PLXNA4: variants seen among roughly 807,000 people sequenced by gnomAD.
The protein encoded by PLXNA4 is plexin A4.
A neutral mutation model predicts 191.8 loss-of-function variants in PLXNA4; 44 were observed. The ratio of observed to expected loss-of-function variants is 0.23; its 90% CI spans 0.18 to 0.29. PLXNA4 has a LOEUF of 0.29. Among genes scored for constraint, PLXNA4 ranks in the 10% least tolerant of loss-of-function variants. The pLI is 1.00. For missense variants in PLXNA4, 1,800 were observed against 2,488.8 expected (o/e 0.72, Z 5.89); for synonymous variants, 1,082 against 1,009.5 (o/e 1.07, Z -1.36).
At chr7:132,274,716 T>C (rs2116350739) in intron 4 of PLXNA4, among the ~76,000 whole-genome samples, 1 of 152,108 alleles carries the variant, frequency 6.6e-6, no homozygotes, top group East Asian at 1.9e-4. Flanking sequence ...GAGTTATATA[T>C]TTTTGGCACG....
At chr7:132,192,735 T>C (rs955521438) in intron 14 of PLXNA4, among the ~76,000 whole-genome samples, 2 of 152,188 alleles carry the variant, frequency 1.3e-5, no homozygotes, top group Non-Finnish European at 2.9e-5. Context: ...CTGAGAGGTT[T>C]AGTTTTTAAA....
rs939909318 is a variant in PLXNA4, at chr7:132,423,046, C to T, written c.1371+66246G>A. Among the ~76,000 whole-genome samples the T allele has an allele frequency of 3.3e-5, 5 of 152,254 alleles. No homozygotes were observed. In the East Asian group the frequency reaches 9.7e-4, roughly 30 times the overall value. On this transcript the variant is annotated intron_variant, in intron 3 of 31. Transcript: ENST00000321063. The stretch of plus-strand genomic sequence containing the variant: ...TTAAGAACATTCATCATCCCTGCCC[C>T]GCTAGCCCCTTGGGGTGGCATGGAA...
At chr7:132,248,108 T>C (rs1379231448) in intron 4 of PLXNA4, among the ~76,000 whole-genome samples, 1 of 152,190 alleles carries the variant, frequency 6.6e-6, no homozygotes, top group Non-Finnish European at 1.5e-5. Context: ...ACGAGGCAAA[T>C]GAATGCTTCC....
chr7:132,354,999 C>T (rs1803641363), intron 3 of PLXNA4, among the ~76,000 whole-genome samples: 2 of 152,182 alleles, frequency 1.3e-5, no homozygotes, highest in Admixed American at 1.3e-4. Context: ...TGAAACTCTC[C>T]ACGATGGGAG....
At chr7:132,133,239 A>G (rs765271849) in intron 30 of PLXNA4, 40 bp from the exon 31 acceptor site, 24 of 1,606,570 alleles carry the variant, frequency 1.5e-5, no homozygotes, top group Non-Finnish European at 2.0e-5. Context: ...GAAGTCGTGC[A>G]TACGGAGTAG....
At chr7:132,318,693 T>TA (rs1050771828) in intron 3 of PLXNA4, among the ~76,000 whole-genome samples, 1 of 141,020 alleles carries the variant, frequency 7.1e-6, no homozygotes, top group Non-Finnish European at 1.5e-5. Flanking sequence ...TTAATTCTTC[T>TA]CCCCCACTCC....
At chr7:132,342,819 C>T (rs953972538) in intron 3 of PLXNA4, among the ~76,000 whole-genome samples, 2 of 151,914 alleles carry the variant, frequency 1.3e-5, no homozygotes, top group Non-Finnish European at 2.9e-5. Context: ...TGGTGCTGGG[C>T]ACCTGTAATC....
intron 1 of PLXNA4, among the ~76,000 whole-genome samples, chr7:132,563,950 T>TCC (rs1288673646): frequency 1.2e-4 from 13 of 109,660 alleles, no homozygotes; most frequent in African/African-American, 4.2e-4. Flanking sequence ...CTCCTCCTCC[T>TCC]TTTCCTCCCC....
chr7:132,334,797 G>T (rs896164140), intron 3 of PLXNA4, among the ~76,000 whole-genome samples: 1 of 152,126 alleles, frequency 6.6e-6, no homozygotes, highest in Non-Finnish European at 1.5e-5. Context: ...CTGCCCTCAG[G>T]CACCACACCA....
chr7:132,628,426 A>AC (rs1464775056), intron 2 of PLXNA4, among the ~76,000 whole-genome samples: 4 of 149,870 alleles, frequency 2.7e-5, no homozygotes, highest in Admixed American at 2.0e-4. Flanking sequence ...GCATTTTGAA[A>AC]ATTCATATTT....
intron 12 of PLXNA4, among the ~76,000 whole-genome samples, chr7:132,201,668 A>C (rs542815593): frequency 4.6e-5 from 7 of 152,312 alleles, no homozygotes; most frequent in Admixed American, 2.0e-4. Flanking sequence ...GCCACAGATG[A>C]CATGGTGCCA....
intron 3 of PLXNA4, among the ~76,000 whole-genome samples, chr7:132,473,938 A>G (rs1162940098): frequency 6.6e-6 from 1 of 152,214 alleles, no homozygotes; most frequent in Non-Finnish European, 1.5e-5. Context: ...CAGCATGAAC[A>G]TTATTGTGGT....
At chr7:132,540,509 A>C (rs1563160471) in intron 1 of PLXNA4, among the ~76,000 whole-genome samples, 2 of 150,300 alleles carry the variant, frequency 1.3e-5, no homozygotes. Context: ...AAATTTCCCC[A>C]AAGTTCATAC....
At chr7:132,173,435 G>A (rs1260450878) in intron 21 of PLXNA4, among the ~76,000 whole-genome samples, 1 of 152,150 alleles carries the variant, frequency 6.6e-6, no homozygotes, top group Admixed American at 6.5e-5. Flanking sequence ...CCTTGTCGAT[G>A]AGGACATAGA....
At chr7:132,252,052 A>G (rs1799269242) in intron 4 of PLXNA4, among the ~76,000 whole-genome samples, 1 of 152,114 alleles carries the variant, frequency 6.6e-6, no homozygotes. Context: ...ATTCTAAATC[A>G]TCTTCGTTTC....
At chr7:132,318,221 C>T (rs932684961) in intron 3 of PLXNA4, among the ~76,000 whole-genome samples, 1 of 152,168 alleles carries the variant, frequency 6.6e-6, no homozygotes, top group Non-Finnish European at 1.5e-5. Flanking sequence ...CCCTTCCTAG[C>T]CAGACAGGTG....
Position 132,576,281 on chromosome 7 carries a change from G to T in PLXNA4, c.-87+141C>A. On this transcript the variant is annotated intron_variant, in intron 1 of 31. Coordinates refer to ENST00000321063, the MANE Select transcript of PLXNA4 (RefSeq NM_020911.2). This position sits in a 1 kb window ranked among gnomAD's most constrained non-coding sequence, Gnocchi z 5.8. ...GCCGTGTGTGCCGGTGTGGATCTGT[G>T]TGTGTGCCTGCGTGTGTGCGTGTGC... 1 of 569,950 alleles carries T rather than the reference G, an allele frequency of 1.8e-6. No individual in the cohort carries two copies. Among genetic ancestry groups the T allele is most frequent in the Non-Finnish European group, 2.2e-6 (1 of 450,406 alleles). 35.3% of individuals were successfully genotyped at this position (569,950 alleles called of 1,614,324 possible).
intron 3 of PLXNA4, chr7:132,366,169 A>C (rs538748310): frequency 6.6e-6 from 1 of 152,214 alleles, no homozygotes; most frequent in Non-Finnish European, 1.5e-5. Flanking sequence ...TTCCAGGACC[A>C]AGAGGGTCTG....
In PLXNA4 at chr7:132,507,736, C is replaced by A; in HGVS notation, c.958G>T (p.Ala320Ser). 1 of 1,614,158 alleles carries A rather than the reference C, an allele frequency of 6.2e-7. No individual in the cohort carries two copies. The highest frequency in any genetic ancestry group is 8.5e-7 in the Non-Finnish European group (1 of 1,180,040). ...ACTCCAAGGGTCCTGCCAAGCACGG[C>A]CCCCGCTTTGGACAGGTAGGCAGCC... is the stretch of plus-strand genomic sequence containing the variant. Reference protein sequence around the residue: ...LQAAYLSKAGAVLGRTLGVHP... With the variant: ...LQAAYLSKAGSVLGRTLGVHP... Residue 320 changes from alanine (A) to serine (S), a missense_variant, in exon 2 of 32, where the codon GCC (alanine) becomes TCC (serine). This residue lies in a region of PLXNA4 where 1,397 missense variants were observed against 1,880.4 expected (regional missense o/e 0.74). Transcript: ENST00000321063.
Sources: gnomAD v4.1 joint callset for allele counts (sites outside exome capture counted in the v4.1 genomes callset) on GRCh38, gnomAD v4.1.1 for gene constraint, gnomAD v4.1.1 regional missense constraint, Gnocchi (gnomAD v3.1) non-coding constraint, MANE v1.5 for transcripts, NCBI Gene and HGNC (gene_info 2026-07-23, HGNC 2026-07-21) for gene names.